SPAG16: variants seen among roughly 807,000 people sequenced by gnomAD.
SPAG16 encodes sperm associated antigen 16, also known as sperm-associated antigen 16 protein.
SPAG16 carries 86 observed loss-of-function variants against 80.4 expected under a neutral mutation model. The observed-to-expected ratio is 1.07, with a 90% CI of 0.90 to 1.28. The LOEUF is 1.28. Ranked by LOEUF, SPAG16 falls within the 50% of genes most tolerant of loss-of-function variation. SPAG16 has a pLI of 0.00. For synonymous variants in SPAG16, 294 were observed against 265.9 expected, an observed-to-expected ratio of 1.11 and a Z score of -1.03; for missense variants, 870 against 765.3, an observed-to-expected ratio of 1.14 and a Z score of -1.61.
At chr2:213,777,053 G>C (rs944129890) in intron 10 of SPAG16, among the ~76,000 whole-genome samples, 1 of 151,544 alleles carries the variant, frequency 6.6e-6, no homozygotes, top group East Asian at 1.9e-4. Context: ...AAATGTCATA[G>C]GTTTCTTTGT....
chr2:214,244,150 T>C (rs1406686697), intron 15 of SPAG16, among the ~76,000 whole-genome samples: 1 of 152,032 alleles, frequency 6.6e-6, no homozygotes, highest in African/African-American at 2.4e-5. Flanking sequence ...CTTCAAATTA[T>C]AAAAAATACT....
chr2:214,098,972 C>T (rs977227811), intron 13 of SPAG16, among the ~76,000 whole-genome samples: 1 of 151,930 alleles, frequency 6.6e-6, no homozygotes, highest in African/African-American at 2.4e-5. Context: ...GAAACATGTT[C>T]ACTGTAGTGA....
chr2:214,030,006 G>T (rs973786626), intron 13 of SPAG16, among the ~76,000 whole-genome samples: 1 of 152,094 alleles, frequency 6.6e-6, no homozygotes, highest in Admixed American at 6.6e-5. Flanking sequence ...ATGAGATCTA[G>T]TCTCTCAACC....
At chr2:213,770,788 A>T (rs1036331317) in intron 10 of SPAG16, among the ~76,000 whole-genome samples, 10 of 152,166 alleles carry the variant, frequency 6.6e-5, no homozygotes, top group African/African-American at 2.2e-4. Context: ...TGCAACAGAC[A>T]TGATCTAGTT....
At chr2:213,956,043 C>T (rs778907047) in intron 12 of SPAG16, among the ~76,000 whole-genome samples, 52 of 151,868 alleles carry the variant, frequency 3.4e-4, no homozygotes, top group Non-Finnish European at 5.2e-4. Flanking sequence ...CTGCAATCTC[C>T]GCCTCCCAGG....
intron 15 of SPAG16, among the ~76,000 whole-genome samples, chr2:214,291,797 A>G (rs1693823995): frequency 6.6e-6 from 1 of 151,966 alleles, no homozygotes; most frequent in African/African-American, 2.4e-5. Context: ...AGTTTTCTGT[A>G]GTGGTACAAT....
At chr2:213,999,339 G>T (rs1194292956) in intron 12 of SPAG16, among the ~76,000 whole-genome samples, 1 of 152,220 alleles carries the variant, frequency 6.6e-6, no homozygotes, top group Admixed American at 6.5e-5. Flanking sequence ...GCTTCAGAGG[G>T]TGCAAGCCCC....
intron 15 of SPAG16, among the ~76,000 whole-genome samples, chr2:214,293,928 G>A (rs1693966231): frequency 6.6e-6 from 1 of 152,228 alleles, no homozygotes; most frequent in African/African-American, 2.4e-5. Context: ...ACATACAGTT[G>A]CCTCATATCT....
At chr2:213,669,927 G>A (rs542800615) in intron 10 of SPAG16, among the ~76,000 whole-genome samples, 1 of 151,830 alleles carries the variant, frequency 6.6e-6, no homozygotes, top group African/African-American at 2.4e-5. Flanking sequence ...CTTCTTCCTG[G>A]GTGATTAGAT....
chr2:213,742,982 C>T (rs906844505), intron 10 of SPAG16, among the ~76,000 whole-genome samples: 2 of 152,046 alleles, frequency 1.3e-5, no homozygotes, highest in Non-Finnish European at 2.9e-5. Context: ...CCACTCACTG[C>T]GAGCTCCACC....
intron 15 of SPAG16, among the ~76,000 whole-genome samples, chr2:214,328,979 A>G (rs1437968162): frequency 1.3e-5 from 2 of 152,212 alleles, no homozygotes; most frequent in Non-Finnish European, 2.9e-5. Context: ...ATACATAAGA[A>G]AACTGAGGCA....
At chr2:213,315,211 A>G (rs967170658) in intron 4 of SPAG16, among the ~76,000 whole-genome samples, 1 of 151,904 alleles carries the variant, frequency 6.6e-6, no homozygotes, top group Non-Finnish European at 1.5e-5. Context: ...TTAAAATTGT[A>G]ATTATTTACA....
chr2:214,172,299 T>C lies in SPAG16; in HGVS notation c.1720+23033T>C, dbSNP rs552786198. ...TGTGATGTTCCCCTTCCTGTGTCCA[T>C]GTGTTCTCATTGTTCAATTCCCACC... On this transcript the variant is annotated intron_variant, in intron 15 of 15. Transcript: ENST00000331683. 4.2e-3 allele frequency among the ~76,000 whole-genome samples: 634 copies of C among 152,078 alleles called. 3 individuals carry two copies. The highest frequency in any genetic ancestry group is 0.014 in the African/African-American group (589 of 41,512).
chr2:213,381,383 A>G (rs531314764), intron 9 of SPAG16, among the ~76,000 whole-genome samples: 1 of 152,212 alleles, frequency 6.6e-6, no homozygotes, highest in Non-Finnish European at 1.5e-5. Context: ...AAATGGTCCA[A>G]CATAATAAGT....
intron 12 of SPAG16, among the ~76,000 whole-genome samples, chr2:213,944,465 T>C (rs1400245818): frequency 5.9e-5 from 9 of 152,208 alleles, no homozygotes; most frequent in Admixed American, 5.9e-4. Flanking sequence ...TCACTTTATT[T>C]TGGAAGTACA....
intron 10 of SPAG16, among the ~76,000 whole-genome samples, chr2:213,834,541 T>C (rs1246964388): frequency 6.6e-6 from 1 of 152,172 alleles, no homozygotes. Flanking sequence ...ATGAGGATTG[T>C]ATGACTCACT....
At chr2:213,309,987 C>T (rs943309548) in intron 3 of SPAG16, 72 bp from the exon 4 acceptor site, 12 of 940,630 alleles carry the variant, frequency 1.3e-5, no homozygotes, top group Admixed American at 1.2e-4. Context: ...ATGAATGAGT[C>T]GAAGGCTTAT....
intron 10 of SPAG16, among the ~76,000 whole-genome samples, chr2:213,681,579 A>G (rs1282251423): frequency 6.6e-6 from 1 of 152,146 alleles, no homozygotes; most frequent in African/African-American, 2.4e-5. Flanking sequence ...TGCTTCTGAG[A>G]CAGGCATCCA....
rs537287761 is a variant in SPAG16 at position 213,379,611 on chromosome 2, G to T, written c.942+4492G>T. Among the ~76,000 whole-genome samples the T allele has an allele frequency of 2.6e-5, 4 of 152,330 alleles. No individual in the cohort carries two copies. The South Asian group carries it at 8.3e-4, about 32-fold the overall frequency. On this transcript the variant is annotated intron_variant, in intron 9 of 15. Coordinates refer to ENST00000331683, the MANE Select transcript of SPAG16 (RefSeq NM_024532.5). The stretch of plus-strand genomic sequence containing the variant: ...TTTAGGATAGGCAAACCCATATCCA[G>T]AGTAAGTGTCTATTCCAGTAAGGAC...
Sources: gnomAD v4.1 joint callset for allele counts (sites outside exome capture counted in the v4.1 genomes callset) on GRCh38, gnomAD v4.1.1 for gene constraint, MANE v1.5 for transcripts, NCBI Gene and HGNC (gene_info 2026-07-23, HGNC 2026-07-21) for gene names.